Variants in TTC28 observed in about 807,000 individuals in gnomAD.
TTC28 encodes tetratricopeptide repeat domain 28.
TTC28 carries 61 observed loss-of-function variants against 198.0 expected under a neutral mutation model. That is an observed-to-expected ratio of 0.31 (90% CI 0.25 to 0.38). TTC28 has a LOEUF of 0.38. TTC28 is among the 10% of genes least tolerant of loss of function. The probability of loss-of-function intolerance (pLI) is 1.00; values close to 1 mark genes in which losing one functional copy is unlikely to be tolerated. For synonymous variants in TTC28, 1,171 were observed against 1,297.8 expected, an observed-to-expected ratio of 0.90 and a Z score of 2.10; for missense variants, 2,678 against 3,164.0, an observed-to-expected ratio of 0.85 and a Z score of 3.69.
At chr22:28,102,598 C>T (rs1296611287) in intron 8 of TTC28, among the ~76,000 whole-genome samples, 2 of 152,166 alleles carry the variant, frequency 1.3e-5, no homozygotes, top group Non-Finnish European at 2.9e-5. Context: ...AGGCTCCCAC[C>T]GTACAACTGC....
At chr22:28,302,322 G>A (rs1052738321) in intron 3 of TTC28, among the ~76,000 whole-genome samples, 3 of 152,130 alleles carry the variant, frequency 2.0e-5, no homozygotes, top group Non-Finnish European at 2.9e-5. Flanking sequence ...TCCAGTGAGT[G>A]CTCATAAAGA....
intron 5 of TTC28, among the ~76,000 whole-genome samples, chr22:28,202,445 G>A (rs1277921264): frequency 1.3e-5 from 2 of 151,794 alleles, no homozygotes; most frequent in Non-Finnish European, 2.9e-5. Flanking sequence ...GCTGAGGCAG[G>A]AGAATCGCTT....
At chr22:28,591,744 GA>G (rs2050439424) in intron 2 of TTC28, among the ~76,000 whole-genome samples, 2 of 152,016 alleles carry the variant, frequency 1.3e-5, no homozygotes, top group South Asian at 4.1e-4. Flanking sequence ...GTCTGGGAGT[GA>G]AAATGGACTA....
At chr22:28,082,027 A>G (rs528139675) in intron 12 of TTC28, among the ~76,000 whole-genome samples, 2 of 151,996 alleles carry the variant, frequency 1.3e-5, no homozygotes, top group South Asian at 4.2e-4. Flanking sequence ...GGTAAGTGGG[A>G]TTGTTTTCTG....
intron 5 of TTC28, among the ~76,000 whole-genome samples, chr22:28,180,893 C>T (rs1389290416): frequency 1.3e-5 from 2 of 152,104 alleles, no homozygotes; most frequent in Non-Finnish European, 2.9e-5. Flanking sequence ...TAGCTGGTGT[C>T]GGATTTACTA....
intron 2 of TTC28, among the ~76,000 whole-genome samples, chr22:28,317,392 G>A (rs1047777660): frequency 3.3e-5 from 5 of 152,112 alleles, no homozygotes; most frequent in Admixed American, 6.5e-5. Flanking sequence ...TAAGAAGAAC[G>A]TAGTTATTGT....
rs116310133 is a variant in TTC28, at chr22:28,377,243, A to C, written c.382-70600T>G. The stretch of plus-strand genomic sequence containing the variant: ...CATGTAATACATGGGACTAGGACAT[A>C]ATATATTCTAAAGTTAAAAAAAAAA... On this transcript the variant is annotated intron_variant, in intron 2 of 22. Coordinates refer to ENST00000397906, the MANE Select transcript of TTC28 (RefSeq NM_001145418.2). 8.6e-3 allele frequency among the ~76,000 whole-genome samples: 1,297 copies of C among 151,194 alleles called. 17 individuals are homozygous for C. The highest frequency in any genetic ancestry group is 0.03 in the African/African-American group (1,224 of 41,272).
At chr22:28,015,369 A>ATT (rs138677) in intron 13 of TTC28, among the ~76,000 whole-genome samples, 65 of 141,548 alleles carry the variant, frequency 4.6e-4, no homozygotes, top group African/African-American at 1.6e-3. Context: ...ACAGACAGTG[A>ATT]TTTTTTTTTT....
chr22:28,472,540 A>C (rs2048108964), intron 2 of TTC28, among the ~76,000 whole-genome samples: 1 of 142,298 alleles, frequency 7.0e-6, no homozygotes. Flanking sequence ...TTTTGACAAA[A>C]AGAAAATGTG....
chr22:28,408,746 A>G (rs569073635), intron 2 of TTC28, among the ~76,000 whole-genome samples: 2 of 152,336 alleles, frequency 1.3e-5, no homozygotes, highest in South Asian at 4.1e-4. Flanking sequence ...ATGACTTACA[A>G]TGACTACAGG....
chr22:28,644,039 C>G lies in TTC28; in HGVS notation c.103-14209G>C, dbSNP rs146555121. Among the ~76,000 whole-genome samples, 8 of 152,272 alleles carry G rather than the reference C, an allele frequency of 5.3e-5. No individual in the cohort carries two copies. The East Asian group carries it at 1.5e-3, about 29-fold the overall frequency. ...GAGGTGATTCAAACCCTTGTGCAGGCTGGCTCTGGAGTCCATGCTCTTAAC... is the reference window on the plus strand; with the variant it reads ...GAGGTGATTCAAACCCTTGTGCAGGGTGGCTCTGGAGTCCATGCTCTTAAC... On this transcript the variant is annotated intron_variant, in intron 1 of 22. Coordinates refer to ENST00000397906, the MANE Select transcript of TTC28 (RefSeq NM_001145418.2).
At chr22:28,642,950 C>G (rs1287935384) in intron 1 of TTC28, 1 of 152,100 alleles carries the variant, frequency 6.6e-6, no homozygotes, top group Non-Finnish European at 1.5e-5. Flanking sequence ...AGATAGAGAA[C>G]ATTTTTTATT....
At chr22:28,431,934 T>A (rs896554122) in intron 2 of TTC28, among the ~76,000 whole-genome samples, 4 of 149,812 alleles carry the variant, frequency 2.7e-5, no homozygotes, top group Non-Finnish European at 5.9e-5. Context: ...GCCAAGATCA[T>A]GCCACTGCAC....
intron 5 of TTC28, among the ~76,000 whole-genome samples, chr22:28,205,518 T>C (rs1286373010): frequency 6.6e-6 from 1 of 152,096 alleles, no homozygotes; most frequent in Non-Finnish European, 1.5e-5. Context: ...TTTCATCTAG[T>C]AGTTTCCAAA....
intron 2 of TTC28, among the ~76,000 whole-genome samples, chr22:28,551,811 C>T (rs771132390): frequency 2.0e-5 from 3 of 152,174 alleles, no homozygotes; most frequent in Non-Finnish European, 4.4e-5. Context: ...CCCCTGTGAA[C>T]TGGAACAAGA....
rs1348845607 is a variant in TTC28 at position 28,163,181 on chromosome 22, T to C, written c.1352A>G (p.Glu451Gly). Reference protein sequence around the residue: ...GHAARCMQDLERAKQYHEQQL... With the variant: ...GHAARCMQDLGRAKQYHEQQL... Reference sequence around the variant, plus strand: ...CTGCTCATGGTATTGTTTAGCTCTCTCCAAATCCTGCATGCACCTGGCAGC... The same window carrying C: ...CTGCTCATGGTATTGTTTAGCTCTCCCCAAATCCTGCATGCACCTGGCAGC... Residue 451 changes from glutamate to glycine, a missense_variant, in exon 6 of 23, where the codon GAG becomes GGG. This residue lies in a region of TTC28 where 775 missense variants were observed against 845.9 expected (regional missense o/e 0.92). Coordinates refer to ENST00000397906, the MANE Select transcript of TTC28 (RefSeq NM_001145418.2). 4 of 1,551,742 alleles carry C rather than the reference T, an allele frequency of 2.6e-6. No individual in the cohort carries two copies. The highest frequency in any genetic ancestry group is 3.5e-6 in the Non-Finnish European group (4 of 1,147,014).
chr22:28,397,821 T>C (rs1487515353), intron 2 of TTC28, among the ~76,000 whole-genome samples: 1 of 152,212 alleles, frequency 6.6e-6, no homozygotes, highest in Non-Finnish European at 1.5e-5. Context: ...GCCCCAGATG[T>C]ACAAAGGAAA....
chr22:28,485,953 G>A (rs1010947113), intron 2 of TTC28, among the ~76,000 whole-genome samples: 6 of 152,176 alleles, frequency 3.9e-5, no homozygotes, highest in Non-Finnish European at 8.8e-5. Flanking sequence ...AAATTTTGGT[G>A]TTGATAAATT....
chr22:28,070,531 C>A (rs1295175705), intron 12 of TTC28, among the ~76,000 whole-genome samples: 1 of 152,260 alleles, frequency 6.6e-6, no homozygotes, highest in South Asian at 2.1e-4. Context: ...CCTGTAATCT[C>A]AGCACTTTGG....
Sources: gnomAD v4.1 joint callset for allele counts (sites outside exome capture counted in the v4.1 genomes callset) on GRCh38, gnomAD v4.1.1 for gene constraint, gnomAD v4.1.1 regional missense constraint, MANE v1.5 for transcripts, NCBI Gene and HGNC (gene_info 2026-07-23, HGNC 2026-07-21) for gene names.